Variants in NEO1 observed in about 807,000 individuals in gnomAD.
NEO1 encodes the protein neogenin.
Under a neutral mutation model 159.7 loss-of-function variants are expected in NEO1, and 63 were observed. The ratio of observed to expected loss-of-function variants is 0.39; its 90% CI spans 0.32 to 0.49. NEO1 has a LOEUF of 0.49. Among genes scored for constraint, NEO1 ranks in the 20% least tolerant of loss-of-function variants. The pLI, the probability that NEO1 is intolerant of heterozygous loss-of-function variation, is 0.85. For synonymous variants in NEO1, 633 were observed against 662.0 expected, an observed-to-expected ratio of 0.96 and a Z score of 0.67; for missense variants, 1,615 against 1,831.0, an observed-to-expected ratio of 0.88 and a Z score of 2.15.
chr15:73,271,418 A>G (rs1351520284), intron 18 of NEO1, among the ~76,000 whole-genome samples: 1 of 152,196 alleles, frequency 6.6e-6, no homozygotes, highest in East Asian at 1.9e-4. Context: ...TAATTTGCTC[A>G]TTTTCCTACT....
At chr15:73,068,926 G>A (rs944611215) in intron 1 of NEO1, among the ~76,000 whole-genome samples, 1 of 149,480 alleles carries the variant, frequency 6.7e-6, no homozygotes, top group Non-Finnish European at 1.5e-5. Context: ...GTTAGCTCCT[G>A]ACTGATGTAA....
At chr15:73,089,384 A>AT (rs201315913) in intron 1 of NEO1, among the ~76,000 whole-genome samples, 19 of 151,464 alleles carry the variant, frequency 1.3e-4, no homozygotes, top group South Asian at 1.0e-3. Flanking sequence ...CCTAGGCAAT[A>AT]TTTTTTTTTC....
At chr15:73,111,733 A>T (rs2071002482) in intron 1 of NEO1, among the ~76,000 whole-genome samples, 1 of 151,822 alleles carries the variant, frequency 6.6e-6, no homozygotes, top group South Asian at 2.1e-4. Context: ...TGATCCTCCC[A>T]CCTCAGCCTC....
chr15:73,052,620 G>A lies in NEO1; in HGVS notation c.-56G>A, dbSNP rs2067504543. On this transcript the variant is annotated 5_prime_UTR_variant, in exon 1 of 29. Coordinates refer to ENST00000261908, the MANE Select transcript of NEO1 (RefSeq NM_002499.4). ...CCGGCTGAGGCGCGCGGGAGGGAAG[G>A]AGGCAAGGGCTCCGCGGCGCTGTCG... The A allele has an allele frequency of 3.6e-6, 4 of 1,112,682 alleles. No homozygotes were observed. Among genetic ancestry groups the A allele is most frequent in the Admixed American group, 4.8e-5 (1 of 20,688 alleles). 68.9% of individuals were successfully genotyped at this position (1,112,682 alleles called of 1,614,324 possible). A position where few individuals can be genotyped will look rare whatever the true frequency, so the allele number is the denominator to read the frequency against.
intron 4 of NEO1, among the ~76,000 whole-genome samples, chr15:73,129,981 C>G (rs2030869768): frequency 6.6e-6 from 1 of 152,064 alleles, no homozygotes; most frequent in African/African-American, 2.4e-5. Context: ...ACCCAAGGAA[C>G]AGCATAATTG....
At chr15:73,111,897 A>G (rs1315552784) in intron 1 of NEO1, among the ~76,000 whole-genome samples, 1 of 152,168 alleles carries the variant, frequency 6.6e-6, no homozygotes, top group Non-Finnish European at 1.5e-5. Flanking sequence ...GGCTCCCCAA[A>G]GTGCTGGGAT....
At chr15:73,234,473 T>G (rs1010226085) in intron 7 of NEO1, among the ~76,000 whole-genome samples, 60 of 152,144 alleles carry the variant, frequency 3.9e-4, no homozygotes, top group African/African-American at 1.4e-3. Flanking sequence ...CCAGCCTACC[T>G]CATAGGGTTA....
At chr15:73,172,963 T>C (rs1288159379) in intron 5 of NEO1, among the ~76,000 whole-genome samples, 1 of 152,228 alleles carries the variant, frequency 6.6e-6, no homozygotes, top group Non-Finnish European at 1.5e-5. Flanking sequence ...TAGGTTTAGT[T>C]TGGTGATATG....
At chr15:73,113,915 G>A (rs1201019750) in intron 1 of NEO1, among the ~76,000 whole-genome samples, 1 of 152,014 alleles carries the variant, frequency 6.6e-6, no homozygotes, top group Non-Finnish European at 1.5e-5. Flanking sequence ...GAAATAGGAT[G>A]GTTAGCTATC....
At chr15:73,187,216 A>ATTATCT (rs2151995953) in intron 7 of NEO1, among the ~76,000 whole-genome samples, 1 of 152,328 alleles carries the variant, frequency 6.6e-6, no homozygotes, top group East Asian at 1.9e-4. Context: ...TTTTCTAGTT[A>ATTATCT]AGCTCAGATA....
intron 1 of NEO1, among the ~76,000 whole-genome samples, chr15:73,072,236 C>T (rs2068572913): frequency 6.7e-6 from 1 of 149,810 alleles, no homozygotes; most frequent in East Asian, 1.9e-4. Context: ...CAGGTGTGAG[C>T]CACCGTGCCC....
intron 1 of NEO1, among the ~76,000 whole-genome samples, chr15:73,112,429 A>T (rs903536975): frequency 3.3e-5 from 5 of 152,106 alleles, no homozygotes; most frequent in African/African-American, 7.2e-5. Context: ...TGCCATAAAA[A>T]ATTTTTTTTT....
At chr15:73,056,650 ATG>A (rs1339199891) in intron 1 of NEO1, among the ~76,000 whole-genome samples, 1 of 152,066 alleles carries the variant, frequency 6.6e-6, no homozygotes, top group East Asian at 1.9e-4. Flanking sequence ...TCCTGTGTGC[ATG>A]TGTGTGTGGG....
intron 14 of NEO1, chr15:73,259,138 G>C (rs996885204): frequency 2.8e-5 from 8 of 289,194 alleles, no homozygotes; most frequent in African/African-American, 6.4e-5. Context: ...TTTAATCAAG[G>C]CCATTAAGTA....
At chr15:73,200,313 G>A (rs571569166) in intron 7 of NEO1, among the ~76,000 whole-genome samples, 6 of 152,156 alleles carry the variant, frequency 3.9e-5, no homozygotes, top group South Asian at 4.1e-4. Context: ...CAGAGTGGTC[G>A]CTTACACCTA....
chr15:73,212,794 G>A (rs960011936), intron 7 of NEO1, among the ~76,000 whole-genome samples: 4 of 152,030 alleles, frequency 2.6e-5, no homozygotes, highest in Non-Finnish European at 4.4e-5. Flanking sequence ...TTAAATAAAT[G>A]GTGGTATATC....
At chr15:73,150,538 A>T (rs1428104407) in intron 5 of NEO1, among the ~76,000 whole-genome samples, 1 of 152,102 alleles carries the variant, frequency 6.6e-6, no homozygotes, top group Non-Finnish European at 1.5e-5. Flanking sequence ...ATCAATCTAA[A>T]TTTTTTGTTA....
At chr15:73,297,589 T>G (rs2042424504) in intron 26 of NEO1, among the ~76,000 whole-genome samples, 1 of 152,238 alleles carries the variant, frequency 6.6e-6, no homozygotes, top group Admixed American at 6.5e-5. Flanking sequence ...AGTCCAGGTC[T>G]GTCTGACTCC....
chr15:73,240,095 C>T (rs1364721757), intron 8 of NEO1, among the ~76,000 whole-genome samples: 1 of 152,058 alleles, frequency 6.6e-6, no homozygotes, highest in Non-Finnish European at 1.5e-5. Context: ...TCAGTAGTGC[C>T]AAGGTTGAGA....
Sources: gnomAD v4.1 joint callset for allele counts (sites outside exome capture counted in the v4.1 genomes callset) on GRCh38, gnomAD v4.1.1 for gene constraint, MANE v1.5 for transcripts, NCBI Gene and HGNC (gene_info 2026-07-23, HGNC 2026-07-21) for gene names.